The following UBE2E2 variants were observed in gnomAD, a reference collection of about 807,000 sequenced individuals.
UBE2E2 encodes the protein ubiquitin conjugating enzyme E2 E2, also known as ubiquitin-conjugating enzyme E2 E2.
A neutral mutation model predicts 24.7 loss-of-function variants in UBE2E2; 6 were observed. That is an observed-to-expected ratio of 0.24 (90% CI 0.13 to 0.48). The LOEUF (loss-of-function observed/expected upper bound fraction) is 0.48, where lower values mean the gene tolerates loss of function less well. UBE2E2 is among the 20% of genes least tolerant of loss of function. UBE2E2 has a pLI of 0.99. For missense variants in UBE2E2, 169 were observed against 245.0 expected, an observed-to-expected ratio of 0.69 and a Z score of 2.07; for synonymous variants, 104 against 83.6, an observed-to-expected ratio of 1.24 and a Z score of -1.33.
chr3:23,519,348 T>A (rs1035040801), intron 4 of UBE2E2, among the ~76,000 whole-genome samples: 1 of 152,180 alleles, frequency 6.6e-6, no homozygotes, highest in African/African-American at 2.4e-5. Flanking sequence ...GTATTAGTCA[T>A]GCCTGTTATA....
chr3:23,305,891 A>T (rs892413913), intron 3 of UBE2E2, among the ~76,000 whole-genome samples: 2 of 152,084 alleles, frequency 1.3e-5, no homozygotes, highest in Non-Finnish European at 1.5e-5. Context: ...CACAGTGCCC[A>T]AACCCTAACA....
intron 3 of UBE2E2, among the ~76,000 whole-genome samples, chr3:23,312,423 A>G (rs1351207142): frequency 2.0e-5 from 3 of 152,052 alleles, no homozygotes; most frequent in Non-Finnish European, 2.9e-5. Flanking sequence ...TTATTTTTAC[A>G]TGTATAATTA....
chr3:23,267,007 G>A (rs1280169741), intron 3 of UBE2E2, among the ~76,000 whole-genome samples: 3 of 151,988 alleles, frequency 2.0e-5, no homozygotes, highest in Non-Finnish European at 4.4e-5. Flanking sequence ...TGAAACCACT[G>A]AGAACAAAGA....
At chr3:23,577,937 C>A (rs1242743424) in intron 5 of UBE2E2, among the ~76,000 whole-genome samples, 3 of 150,658 alleles carry the variant, frequency 2.0e-5, no homozygotes, top group African/African-American at 7.4e-5. Flanking sequence ...AGAACAAAGC[C>A]TGGATGACAG....
chr3:23,305,675 A>G (rs1364405148), intron 3 of UBE2E2, among the ~76,000 whole-genome samples: 2 of 152,158 alleles, frequency 1.3e-5, no homozygotes, highest in African/African-American at 2.4e-5. Flanking sequence ...CTTGCAGAGG[A>G]CAGTGTTTAA....
At position 23,327,264 on chromosome 3, in the gene UBE2E2, G is replaced by C. The variant is rs530101664; in HGVS notation, c.227+109952G>C. Among the ~76,000 whole-genome samples the C allele has an allele frequency of 9.2e-5, 14 of 152,288 alleles. No individual in the cohort carries two copies. The South Asian group carries it at 2.9e-3, about 32-fold the overall frequency. On this transcript the variant is annotated intron_variant, in intron 3 of 5. Coordinates refer to ENST00000396703, the MANE Select transcript of UBE2E2 (RefSeq NM_152653.4). The stretch of plus-strand genomic sequence containing the variant: ...GAATCACCACACTGTCTTCCACAAT[G>C]GTTGAACTAGTTTACAGTCCCACCA...
chr3:23,525,417 G>GT (rs1694971995), intron 4 of UBE2E2, among the ~76,000 whole-genome samples: 1 of 152,056 alleles, frequency 6.6e-6, no homozygotes, highest in Non-Finnish European at 1.5e-5. Flanking sequence ...TGTTATCCAG[G>GT]GCCATCTGGG....
At chr3:23,351,449 A>G (rs1434867744) in intron 3 of UBE2E2, among the ~76,000 whole-genome samples, 1 of 152,222 alleles carries the variant, frequency 6.6e-6, no homozygotes, top group Non-Finnish European at 1.5e-5. Context: ...CAAATTGGAT[A>G]AAGAGTCAAG....
intron 3 of UBE2E2, among the ~76,000 whole-genome samples, chr3:23,301,363 A>G (rs1699083743): frequency 6.6e-6 from 1 of 152,026 alleles, no homozygotes; most frequent in South Asian, 2.1e-4. Flanking sequence ...AGGCACTCTG[A>G]TTTTTAGTTT....
At chr3:23,296,675 A>T (rs1237645808) in intron 3 of UBE2E2, among the ~76,000 whole-genome samples, 1 of 152,210 alleles carries the variant, frequency 6.6e-6, no homozygotes, top group Non-Finnish European at 1.5e-5. Context: ...TCCATGGTGT[A>T]TATGTGCCAC....
chr3:23,536,022 G>A (rs561152374), intron 5 of UBE2E2, among the ~76,000 whole-genome samples: 10 of 152,072 alleles, frequency 6.6e-5, no homozygotes, highest in Non-Finnish European at 1.3e-4. Flanking sequence ...AATACCATTG[G>A]GGAATCAAAT....
intron 4 of UBE2E2, among the ~76,000 whole-genome samples, chr3:23,522,544 T>A (rs1694893647): frequency 6.6e-6 from 1 of 152,220 alleles, no homozygotes; most frequent in South Asian, 2.1e-4. Context: ...TTTGTACTCT[T>A]AGAGTTTTGT....
At chr3:23,339,817 T>C (rs2125308869) in intron 3 of UBE2E2, among the ~76,000 whole-genome samples, 1 of 152,202 alleles carries the variant, frequency 6.6e-6, no homozygotes, top group South Asian at 2.1e-4. Flanking sequence ...AATACAGTAA[T>C]TGCACTTCTA....
At chr3:23,287,791 A>G (rs564283630) in intron 3 of UBE2E2, among the ~76,000 whole-genome samples, 7 of 137,916 alleles carry the variant, frequency 5.1e-5, no homozygotes, top group Non-Finnish European at 1.1e-4. Context: ...TTTTTTTTAC[A>G]TCTCTGATTT....
chr3:23,449,360 T>G (rs1207677496), intron 3 of UBE2E2, among the ~76,000 whole-genome samples: 2 of 152,240 alleles, frequency 1.3e-5, no homozygotes, highest in Non-Finnish European at 2.9e-5. Context: ...ACATCATCAT[T>G]ATTTTAGTAC....
chr3:23,286,732 G>A (rs935607113), intron 3 of UBE2E2, among the ~76,000 whole-genome samples: 5 of 152,092 alleles, frequency 3.3e-5, no homozygotes, highest in Admixed American at 3.3e-4. Context: ...TCTGTAGATT[G>A]CCTTCAGTAG....
chr3:23,513,570 T>G (rs1694656779), intron 4 of UBE2E2, among the ~76,000 whole-genome samples: 1 of 152,180 alleles, frequency 6.6e-6, no homozygotes, highest in East Asian at 1.9e-4. Flanking sequence ...TGGGATAAAT[T>G]CCTAGAAGTG....
At chr3:23,504,624 A>C (rs1267418840) in intron 4 of UBE2E2, among the ~76,000 whole-genome samples, 1 of 152,194 alleles carries the variant, frequency 6.6e-6, no homozygotes, top group South Asian at 2.1e-4. Flanking sequence ...TTTTACTGGC[A>C]ATAGATGAAA....
At chr3:23,424,518 A>G (rs1396278135) in intron 3 of UBE2E2, among the ~76,000 whole-genome samples, 1 of 151,834 alleles carries the variant, frequency 6.6e-6, no homozygotes, top group Non-Finnish European at 1.5e-5. Context: ...GATAAAATGT[A>G]GAAAATTTAA....
Sources: allele counts gnomAD v4.1 joint callset (sites outside exome capture counted in the v4.1 genomes callset), GRCh38; gene constraint gnomAD v4.1.1; transcripts MANE v1.5; gene names NCBI Gene and HGNC (gene_info 2026-07-23, HGNC 2026-07-21).